The following PLCL1 variants were observed in gnomAD, a reference collection of about 807,000 sequenced individuals.
The protein encoded by PLCL1 is inactive phospholipase C-like protein 1.
PLCL1 carries 41 observed loss-of-function variants against 84.4 expected under a neutral mutation model. The ratio of observed to expected loss-of-function variants is 0.49; its 90% CI spans 0.38 to 0.63. PLCL1 has a LOEUF of 0.63. PLCL1 is among the 30% of genes least tolerant of loss of function. The probability of loss-of-function intolerance (pLI) is 0.00; values close to 1 mark genes in which losing one functional copy is unlikely to be tolerated. For missense variants in PLCL1, 1,206 were observed against 1,367.8 expected (o/e 0.88, Z 1.87); for synonymous variants, 490 against 488.3 (o/e 1.00, Z -0.05).
At chr2:198,120,828 A>C (rs907455809) in intron 5 of PLCL1, among the ~76,000 whole-genome samples, 1 of 152,100 alleles carries the variant, frequency 6.6e-6, no homozygotes, top group African/African-American at 2.4e-5. Flanking sequence ...TTTTGAATAT[A>C]TACCCAGAAG....
At chr2:197,952,041 C>A (rs1352648644) in intron 1 of PLCL1, among the ~76,000 whole-genome samples, 3 of 152,160 alleles carry the variant, frequency 2.0e-5, no homozygotes, top group Non-Finnish European at 4.4e-5. Context: ...AGGATCCTGT[C>A]ACTGTGACCC....
In PLCL1 at chr2:198,149,226, A is replaced by G. The variant is rs1421007394; in HGVS notation, c.*2264A>G. On this transcript the variant is annotated 3_prime_UTR_variant, in exon 6 of 6. Transcript: ENST00000428675. ...TGCCTCCATGACATTGTTACATTCT[A>G]TGAGGAGCATCTGTCTCCTTTCTAG... The G allele has an allele frequency of 6.6e-6, 1 of 152,326 alleles. No homozygotes were observed. The highest frequency in any genetic ancestry group is 2.4e-5 in the African/African-American group (1 of 41,458). The allele number at this position is 152,326 out of a possible 1,614,324, so 9.4% of individuals were successfully genotyped here.
chr2:197,923,092 C>T (rs1688746046), intron 1 of PLCL1, among the ~76,000 whole-genome samples: 1 of 140,398 alleles, frequency 7.1e-6, no homozygotes. Flanking sequence ...GACCCCCCCA[C>T]CTCCCTACCG....
intron 1 of PLCL1, among the ~76,000 whole-genome samples, chr2:197,891,269 T>C (rs1415734981): frequency 6.6e-6 from 1 of 151,866 alleles, no homozygotes; most frequent in East Asian, 1.9e-4. Context: ...AAGGATGGAG[T>C]GACCCCTTCT....
intron 1 of PLCL1, among the ~76,000 whole-genome samples, chr2:197,891,011 A>C (rs959155686): frequency 7.2e-5 from 11 of 151,730 alleles, no homozygotes; most frequent in Non-Finnish European, 1.5e-5. Flanking sequence ...GGTAGATTCC[A>C]AAGGATAGAG....
At chr2:198,074,513 G>A (rs1003791335) in intron 1 of PLCL1, among the ~76,000 whole-genome samples, 2 of 152,144 alleles carry the variant, frequency 1.3e-5, no homozygotes, top group Non-Finnish European at 2.9e-5. Flanking sequence ...TGTCATAGTT[G>A]GGGGTAAATA....
At chr2:197,926,833 G>T (rs200683059) in intron 1 of PLCL1, among the ~76,000 whole-genome samples, 2 of 152,154 alleles carry the variant, frequency 1.3e-5, no homozygotes, top group East Asian at 3.9e-4. Context: ...CTATCCTGTG[G>T]TACTCGTTTG....
intron 1 of PLCL1, among the ~76,000 whole-genome samples, chr2:197,821,058 C>T (rs142556492): frequency 2.4e-3 from 361 of 152,196 alleles, no homozygotes; most frequent in African/African-American, 8.3e-3. Flanking sequence ...GTAAGGATCA[C>T]GGTGCTATAA....
At chr2:198,058,414 G>A (rs531390395) in intron 1 of PLCL1, among the ~76,000 whole-genome samples, 6 of 151,880 alleles carry the variant, frequency 4.0e-5, no homozygotes, top group South Asian at 2.1e-4. Flanking sequence ...TATGAGTTTC[G>A]ATACATCAAA....
chr2:197,843,663 A>G (rs1256880058), intron 1 of PLCL1, among the ~76,000 whole-genome samples: 1 of 152,188 alleles, frequency 6.6e-6, no homozygotes, highest in Non-Finnish European at 1.5e-5. Flanking sequence ...GGAAGTATCC[A>G]TCCCAGGCTC....
intron 1 of PLCL1, among the ~76,000 whole-genome samples, chr2:197,910,641 TCTGATATCAAACC>T (rs1487264355): frequency 3.3e-5 from 5 of 152,240 alleles, no homozygotes; most frequent in Non-Finnish European, 7.3e-5. Flanking sequence ...CTCACAGGCT[TCTGATATCAAACC>T]ATATTCCTTT....
intron 5 of PLCL1, among the ~76,000 whole-genome samples, chr2:198,140,105 T>G (rs931279192): frequency 9.9e-5 from 15 of 152,174 alleles, no homozygotes; most frequent in Middle Eastern, 3.4e-3. Context: ...AGCTAATTTT[T>G]GTTCTTTTAG....
intron 3 of PLCL1, among the ~76,000 whole-genome samples, chr2:198,091,658 T>A (rs1693040345): frequency 6.7e-6 from 1 of 149,010 alleles, no homozygotes; most frequent in South Asian, 2.1e-4. Flanking sequence ...CCAGCCTGGG[T>A]GACAGAGCAA....
chr2:197,859,653 T>C (rs1478884141), intron 1 of PLCL1, among the ~76,000 whole-genome samples: 3 of 152,174 alleles, frequency 2.0e-5, no homozygotes, highest in Non-Finnish European at 4.4e-5. Context: ...GTCGTAGTGA[T>C]ATCTATTACC....
chr2:197,851,903 C>T (rs1019457436), intron 1 of PLCL1, among the ~76,000 whole-genome samples: 1 of 152,172 alleles, frequency 6.6e-6, no homozygotes, highest in Non-Finnish European at 1.5e-5. Context: ...ATTTCTGTAC[C>T]AATGTGAGGC....
At chr2:198,009,722 A>G (rs916084141) in intron 1 of PLCL1, among the ~76,000 whole-genome samples, 1 of 151,962 alleles carries the variant, frequency 6.6e-6, no homozygotes, top group Non-Finnish European at 1.5e-5. Context: ...AAAAAGTGTC[A>G]TTGGAATTTT....
At chr2:197,973,382 C>T (rs1689907783) in intron 1 of PLCL1, among the ~76,000 whole-genome samples, 2 of 152,150 alleles carry the variant, frequency 1.3e-5, no homozygotes, top group Admixed American at 6.5e-5. Flanking sequence ...TTAAGCCTTT[C>T]TGATGTGTTT....
intron 5 of PLCL1, among the ~76,000 whole-genome samples, chr2:198,113,138 T>C (rs1362436732): frequency 2.0e-5 from 3 of 152,052 alleles, no homozygotes; most frequent in Non-Finnish European, 1.5e-5. Flanking sequence ...GACACATTTG[T>C]AGAATCTTGT....
At chr2:197,880,794 A>T (rs1687814778) in intron 1 of PLCL1, among the ~76,000 whole-genome samples, 3 of 152,250 alleles carry the variant, frequency 2.0e-5, no homozygotes, top group Admixed American at 1.3e-4. Context: ...GAATAAAGTC[A>T]TCATGGTCAA....
Sources: allele counts gnomAD v4.1 joint callset (sites outside exome capture counted in the v4.1 genomes callset), GRCh38; gene constraint gnomAD v4.1.1; transcripts MANE v1.5; gene names NCBI Gene and HGNC (gene_info 2026-07-23, HGNC 2026-07-21).